Variants in DPP6 observed in about 807,000 individuals in gnomAD.
DPP6 encodes the protein dipeptidyl peptidase like 6.
In DPP6, 69 loss-of-function variants were observed where a neutral mutation model predicts 122.6. That is an observed-to-expected ratio of 0.56 (90% CI 0.46 to 0.69). The LOEUF (loss-of-function observed/expected upper bound fraction) is 0.69. Among genes scored for constraint, DPP6 ranks in the 30% least tolerant of loss-of-function variants. The pLI is 0.00. For missense variants in DPP6, 928 were observed against 1,116.9 expected, an observed-to-expected ratio of 0.83 and a Z score of 2.41; for synonymous variants, 418 against 433.1, an observed-to-expected ratio of 0.97 and a Z score of 0.43.
intron 17 of DPP6, among the ~76,000 whole-genome samples, chr7:154,864,008 G>A (rs556186683): frequency 1.1e-4 from 16 of 152,086 alleles, no homozygotes; most frequent in African/African-American, 3.1e-4. Flanking sequence ...ATGGCCGCAG[G>A]GGAAGGTGCA....
intron 1 of DPP6, among the ~76,000 whole-genome samples, chr7:153,959,523 G>A (rs1027438062): frequency 6.6e-6 from 1 of 152,248 alleles, no homozygotes; most frequent in African/African-American, 2.4e-5. Context: ...ATCAGCACTT[G>A]CTGCTTCACC....
intron 20 of DPP6, among the ~76,000 whole-genome samples, chr7:154,879,743 T>C (rs1258953252): frequency 6.6e-6 from 1 of 152,070 alleles, no homozygotes; most frequent in East Asian, 1.9e-4. Flanking sequence ...TGAGCCAAAC[T>C]CCATCTCAAA....
the DPP6 span, among the ~76,000 whole-genome samples, chr7:153,874,062 T>G: frequency 3.3e-5 from 5 of 152,166 alleles, no homozygotes; most frequent in African/African-American, 1.2e-4. Flanking sequence ...ATTAAGAATA[T>G]TTGCCTTCTT....
intron 1 of DPP6, among the ~76,000 whole-genome samples, chr7:153,911,644 G>A (rs1174795502): frequency 1.3e-5 from 2 of 152,226 alleles, no homozygotes; most frequent in Non-Finnish European, 2.9e-5. Flanking sequence ...GGTAATCACT[G>A]TGTCAGTGTG....
chr7:153,811,380 AT>A, the DPP6 span, among the ~76,000 whole-genome samples: 1 of 152,146 alleles, frequency 6.6e-6, no homozygotes, highest in African/African-American at 2.4e-5. Flanking sequence ...TTTTCCCTGC[AT>A]TAGAGAACCA....
At chr7:154,226,900 G>A (rs1024516386) in intron 1 of DPP6, among the ~76,000 whole-genome samples, 2 of 152,106 alleles carry the variant, frequency 1.3e-5, no homozygotes, top group Non-Finnish European at 2.9e-5. Flanking sequence ...CCTAGTGAAT[G>A]GGATGACAGT....
At chr7:153,958,182 A>G (rs919338798) in intron 1 of DPP6, among the ~76,000 whole-genome samples, 6 of 151,936 alleles carry the variant, frequency 3.9e-5, no homozygotes, top group African/African-American at 1.5e-4. Flanking sequence ...ACAAAAAAAC[A>G]AGCAGATAGA....
the DPP6 span, among the ~76,000 whole-genome samples, chr7:153,834,014 C>T: frequency 1.3e-5 from 2 of 152,012 alleles, no homozygotes; most frequent in African/African-American, 2.4e-5. Flanking sequence ...GGGCCAGGTG[C>T]GGTGGCTCAT....
chr7:154,174,701 T>C (rs774761643), intron 1 of DPP6, among the ~76,000 whole-genome samples: 4 of 152,162 alleles, frequency 2.6e-5, no homozygotes, highest in African/African-American at 4.8e-5. Flanking sequence ...TTAAACAATT[T>C]ATTTTTGTAT....
At chr7:153,950,410 T>A (rs935164697) in intron 1 of DPP6, among the ~76,000 whole-genome samples, 5 of 152,302 alleles carry the variant, frequency 3.3e-5, no homozygotes, top group Non-Finnish European at 7.3e-5. Context: ...AAGATCCCTG[T>A]ACGTTATGCG....
chr7:154,536,656 T>G (rs62477160), intron 3 of DPP6, among the ~76,000 whole-genome samples: 21,485 of 152,102 alleles, frequency 0.14, 1,957 homozygotes, highest in Non-Finnish European at 0.2. Flanking sequence ...TGAAGGAAAC[T>G]CATAAGGGAA....
the DPP6 span, among the ~76,000 whole-genome samples, chr7:153,770,268 G>A: frequency 5.9e-5 from 9 of 152,184 alleles, no homozygotes; most frequent in East Asian, 1.7e-3. Flanking sequence ...CAGAGAATCA[G>A]CAGTAATATA....
intron 1 of DPP6, among the ~76,000 whole-genome samples, chr7:154,036,031 T>C (rs1364845651): frequency 0.038 from 5,735 of 151,240 alleles, 444 homozygotes; most frequent in African/African-American, 0.13. Context: ...TGTGTGTGTG[T>C]GTGTGTGTGT....
chr7:154,886,684 C>T (rs565196397), intron 22 of DPP6, among the ~76,000 whole-genome samples: 7 of 152,290 alleles, frequency 4.6e-5, no homozygotes, highest in Admixed American at 2.6e-4. Flanking sequence ...GCTGGTCCAC[C>T]GCAGTCCTGC....
the DPP6 span, among the ~76,000 whole-genome samples, chr7:153,873,953 T>C: frequency 3.2e-4 from 49 of 152,330 alleles, no homozygotes; most frequent in African/African-American, 9.9e-4. Flanking sequence ...AGAGTTTGAA[T>C]TGGAATCCCC....
At chr7:153,985,049 G>T (rs1468480615) in intron 1 of DPP6, among the ~76,000 whole-genome samples, 1 of 152,188 alleles carries the variant, frequency 6.6e-6, no homozygotes, top group Non-Finnish European at 1.5e-5. Flanking sequence ...ACTGTACAAG[G>T]GAAAGATAGA....
intron 1 of DPP6, among the ~76,000 whole-genome samples, chr7:153,926,264 T>C (rs1216097695): frequency 6.6e-6 from 1 of 152,240 alleles, no homozygotes; most frequent in East Asian, 1.9e-4. Flanking sequence ...CACATCGAAG[T>C]TTAAATTGTC....
chr7:154,607,885 C>T (rs887149696), intron 5 of DPP6, among the ~76,000 whole-genome samples: 1 of 119,894 alleles, frequency 8.3e-6, no homozygotes, highest in African/African-American at 2.6e-5. Context: ...TTTAACTACA[C>T]GGGAAGTTGG....
At chr7:154,707,289 C>T (rs1165019194) in intron 7 of DPP6, among the ~76,000 whole-genome samples, 1 of 152,168 alleles carries the variant, frequency 6.6e-6, no homozygotes, top group African/African-American at 2.4e-5. Flanking sequence ...TTCATCCTCC[C>T]CACAGCACCA....
Sources: gnomAD v4.1 joint callset for allele counts (sites outside exome capture counted in the v4.1 genomes callset) on GRCh38, gnomAD v4.1.1 for gene constraint, MANE v1.5 for transcripts, NCBI Gene and HGNC (gene_info 2026-07-23, HGNC 2026-07-21) for gene names.